HSF2: variants seen among roughly 807,000 people sequenced by gnomAD.
The protein encoded by HSF2 is heat shock factor protein 2.
A neutral mutation model predicts 65.0 loss-of-function variants in HSF2; 21 were observed. That is an observed-to-expected ratio of 0.32 (90% CI 0.23 to 0.47). The LOEUF is 0.47. HSF2 is among the 20% of genes least tolerant of loss of function. HSF2 has a pLI of 1.00. For synonymous variants in HSF2, 225 were observed against 219.1 expected (o/e 1.03, Z -0.24); for missense variants, 499 against 628.1 (o/e 0.79, Z 2.20).
intron 8 of HSF2, 71 bp from the exon 9 acceptor site, chr6:122,422,647 A>C: frequency 6.7e-7 from 1 of 1,503,668 alleles, no homozygotes; most frequent in Admixed American, 1.7e-5. Context: ...GTTTCCATTT[A>C]GAATGAATGG....
At chr6:122,409,071 A>G (rs1265877456) in intron 1 of HSF2, among the ~76,000 whole-genome samples, 1 of 152,112 alleles carries the variant, frequency 6.6e-6, no homozygotes, top group African/African-American at 2.4e-5. Flanking sequence ...ATTATAAAAT[A>G]AAGTCAATAA....
Position 122,413,796 on chromosome 6 carries a change from T to C in HSF2, c.455+147T>C. On this transcript the variant is annotated intron_variant, in intron 4 of 12. Coordinates refer to ENST00000368455, the MANE Select transcript of HSF2 (RefSeq NM_004506.4). The stretch of plus-strand genomic sequence containing the variant: ...ATCAAAGGTCATTTTTCTGCAAGTA[T>C]TGGTTCCCTTTACTTTGATTTGTGG... 3 of 672,432 alleles carry C rather than the reference T, an allele frequency of 4.5e-6. No homozygotes were observed. In the South Asian group the frequency reaches 5.6e-5, roughly 13 times the overall value. The allele number at this position is 672,432 out of a possible 1,614,324, so 41.7% of individuals were successfully genotyped here.
At chr6:122,402,581 G>A (rs1227273084) in intron 1 of HSF2, among the ~76,000 whole-genome samples, 1 of 151,008 alleles carries the variant, frequency 6.6e-6, no homozygotes, top group Admixed American at 6.6e-5. Flanking sequence ...TTTTGTGGTA[G>A]AGTATCACTC....
chr6:122,406,960 G>T (rs192207838), intron 1 of HSF2, among the ~76,000 whole-genome samples: 2 of 152,302 alleles, frequency 1.3e-5, no homozygotes, highest in Admixed American at 1.3e-4. Context: ...TGAATAGGTG[G>T]TTGAGTATAA....
rs2114460860 is a variant in HSF2, at chr6:122,432,880, C to T, written c.*660C>T. 6.6e-6 allele frequency: 1 copy of T among 152,216 alleles called. No individual in the cohort carries two copies. Among genetic ancestry groups the T allele is most frequent in the South Asian group, 2.1e-4 (1 of 4,818 alleles). 9.4% of individuals were successfully genotyped at this position (152,216 alleles called of 1,614,324 possible). ...AGTGAGCCCCATCCAGTTAGTTGGACTAGTTTTAAATAAAGGTTTTCCGGT... is the reference window on the plus strand; with the variant it reads ...AGTGAGCCCCATCCAGTTAGTTGGATTAGTTTTAAATAAAGGTTTTCCGGT... On this transcript the variant is annotated 3_prime_UTR_variant, in exon 13 of 13. Transcript: ENST00000368455.
At chr6:122,427,833 TA>T (rs1314851673) in intron 10 of HSF2, 69 bp from the exon 11 acceptor site, 1 of 1,139,118 alleles carries the variant, frequency 8.8e-7, no homozygotes, top group Admixed American at 2.0e-5. Context: ...CATGGCTGTA[TA>T]AAATTTTGAA....
At chr6:122,405,161 C>T (rs1035690562) in intron 1 of HSF2, among the ~76,000 whole-genome samples, 2 of 149,834 alleles carry the variant, frequency 1.3e-5, no homozygotes, top group South Asian at 4.2e-4. Context: ...TGGTGCATGT[C>T]GTAGTTCTGG....
At chr6:122,412,105 G>A (rs145658285) in intron 1 of HSF2, among the ~76,000 whole-genome samples, 259 of 151,910 alleles carry the variant, frequency 1.7e-3, no homozygotes, top group African/African-American at 6.0e-3. Context: ...TTTAATGGAA[G>A]TTCTAATATT....
chr6:122,416,997 T>C (rs958088908), intron 5 of HSF2, among the ~76,000 whole-genome samples: 10 of 152,176 alleles, frequency 6.6e-5, no homozygotes, highest in Non-Finnish European at 2.9e-5. Flanking sequence ...AACAGGTTTT[T>C]TGAGGGGGAG....
At chr6:122,409,437 G>A (rs1354066106) in intron 1 of HSF2, among the ~76,000 whole-genome samples, 1 of 151,956 alleles carries the variant, frequency 6.6e-6, no homozygotes, top group Non-Finnish European at 1.5e-5. Context: ...AATTGGAGAA[G>A]GGGGGTTTAA....
At chr6:122,403,090 C>T (rs931574494) in intron 1 of HSF2, among the ~76,000 whole-genome samples, 3 of 151,686 alleles carry the variant, frequency 2.0e-5, no homozygotes, top group Non-Finnish European at 2.9e-5. Context: ...TTACCAATTG[C>T]GTTTTGGAAA....
intron 1 of HSF2, 65 bp downstream of exon 1, chr6:122,399,895 G>C (rs981558521): frequency 2.5e-5 from 31 of 1,255,044 alleles, no homozygotes; most frequent in Non-Finnish European, 3.3e-5. Flanking sequence ...GCTCTCCTGC[G>C]GGGTGGTCTC....
chr6:122,423,514 A>G, intron 9 of HSF2, 67 bp from the exon 10 acceptor site: 1 of 756,090 alleles, frequency 1.3e-6, no homozygotes, highest in Non-Finnish European at 2.1e-6. Flanking sequence ...CCAAGTTGTA[A>G]TGGTGATTTT....
chr6:122,410,133 A>T (rs1773957454), intron 1 of HSF2, among the ~76,000 whole-genome samples: 1 of 151,880 alleles, frequency 6.6e-6, no homozygotes, highest in Admixed American at 6.6e-5. Flanking sequence ...TCCTGTTGTT[A>T]TGTAATTATT....
rs2114411023 is a variant in HSF2 at position 122,399,681 on chromosome 6, G to GCCGTAGCTGCCA, written c.-54_-53insTAGCTGCCACCG. 6.8e-7 allele frequency: 1 copy of GCCGTAGCTGCCA among 1,481,020 alleles called. No individual in the cohort carries two copies. Among genetic ancestry groups the GCCGTAGCTGCCA allele is most frequent in the Non-Finnish European group, 9.3e-7 (1 of 1,070,616 alleles). 91.7% of individuals were successfully genotyped at this position (1,481,020 alleles called of 1,614,324 possible). On this transcript the variant is annotated 5_prime_UTR_variant, in exon 1 of 13. Transcript: ENST00000368455. ...TCGGGGAGCTGCTGCCGTAGCTGCC[G>GCCGTAGCTGCCA]CCGCCGCTACCACCGCGTTCGGGTG...
Position 122,432,259 on chromosome 6 carries a change from A to T in HSF2, c.*39A>T. The T allele has an allele frequency of 3.5e-6, 5 of 1,430,884 alleles. No individual in the cohort carries two copies. The highest frequency in any genetic ancestry group is 4.8e-6 in the Non-Finnish European group (5 of 1,042,052). 88.6% of individuals were successfully genotyped at this position (1,430,884 alleles called of 1,614,324 possible). ...GGACTTTACATGTATATATTCATCAAAATGATGAACTATTTATTTTAAAGT... is the reference window on the plus strand; with the variant it reads ...GGACTTTACATGTATATATTCATCATAATGATGAACTATTTATTTTAAAGT... On this transcript the variant is annotated 3_prime_UTR_variant, in exon 13 of 13. Transcript: ENST00000368455.
chr6:122,410,835 T>C (rs1773973282), intron 1 of HSF2, among the ~76,000 whole-genome samples: 2 of 151,894 alleles, frequency 1.3e-5, no homozygotes, highest in African/African-American at 4.8e-5. Flanking sequence ...CTGAAGTTAC[T>C]TCTACCTTTT....
intron 10 of HSF2, among the ~76,000 whole-genome samples, chr6:122,426,300 G>T (rs1174058251): frequency 1.3e-5 from 2 of 152,110 alleles, no homozygotes; most frequent in Non-Finnish European, 2.9e-5. Flanking sequence ...CCAGAGTGGG[G>T]TCACAGCAGG....
chr6:122,408,091 C>T (rs986130033), intron 1 of HSF2, among the ~76,000 whole-genome samples: 1 of 152,038 alleles, frequency 6.6e-6, no homozygotes, highest in Non-Finnish European at 1.5e-5. Flanking sequence ...GCTCTAACTC[C>T]AAATACCATC....
Sources: gnomAD v4.1 joint callset for allele counts (sites outside exome capture counted in the v4.1 genomes callset) on GRCh38, gnomAD v4.1.1 for gene constraint, MANE v1.5 for transcripts, NCBI Gene and HGNC (gene_info 2026-07-23, HGNC 2026-07-21) for gene names.